The following MALRD1 variants were observed in gnomAD, a reference collection of about 807,000 sequenced individuals.
MALRD1 encodes MAM and LDL receptor class A domain containing 1.
In MALRD1, 247 loss-of-function variants were observed where a neutral mutation model predicts 242.1. The observed-to-expected ratio is 1.02, with a 90% CI of 0.92 to 1.13. MALRD1 has a LOEUF of 1.13. Among genes scored for constraint, MALRD1 ranks in the 50% most tolerant of loss-of-function variants. The pLI, the probability that MALRD1 is intolerant of heterozygous loss-of-function variation, is 0.00. For missense variants in MALRD1, 2,989 were observed against 2,533.1 expected, an observed-to-expected ratio of 1.18 and a Z score of -3.86; for synonymous variants, 995 against 866.6, an observed-to-expected ratio of 1.15 and a Z score of -2.60.
At chr10:19,193,543 G>C (rs182922817) in intron 14 of MALRD1, among the ~76,000 whole-genome samples, 1 of 152,096 alleles carries the variant, frequency 6.6e-6, no homozygotes, top group Non-Finnish European at 1.5e-5. Flanking sequence ...AACACAGCGA[G>C]ACCCCATCTC....
intron 32 of MALRD1, among the ~76,000 whole-genome samples, chr10:19,562,838 G>A (rs918682707): frequency 6.6e-6 from 1 of 152,116 alleles, no homozygotes; most frequent in Non-Finnish European, 1.5e-5. Context: ...GACCTAGATT[G>A]TGTGCTCCTC....
chr10:19,277,157 T>C (rs1188112161), intron 19 of MALRD1, among the ~76,000 whole-genome samples: 1 of 151,918 alleles, frequency 6.6e-6, no homozygotes, highest in Non-Finnish European at 1.5e-5. Context: ...AAATCCTGAG[T>C]TCAAGTGATC....
At chr10:19,129,289 T>C (rs1211694419) in intron 8 of MALRD1, among the ~76,000 whole-genome samples, 3 of 152,106 alleles carry the variant, frequency 2.0e-5, no homozygotes, top group African/African-American at 7.2e-5. Context: ...CTAGGATGGC[T>C]CACAGAATTC....
intron 26 of MALRD1, among the ~76,000 whole-genome samples, chr10:19,360,924 A>G (rs910339012): frequency 1.2e-4 from 18 of 151,792 alleles, no homozygotes; most frequent in African/African-American, 3.4e-4. Flanking sequence ...TTTTTTTGAA[A>G]TTCATTCTTT....
chr10:19,174,769 ATT>A (rs1466105819), intron 13 of MALRD1, among the ~76,000 whole-genome samples: 3 of 151,992 alleles, frequency 2.0e-5, no homozygotes, highest in African/African-American at 7.2e-5. Flanking sequence ...TATAATATAT[ATT>A]ATGTTTGTAT....
chr10:19,371,433 T>G (rs961251396), intron 26 of MALRD1, among the ~76,000 whole-genome samples: 1 of 152,156 alleles, frequency 6.6e-6, no homozygotes, highest in Non-Finnish European at 1.5e-5. Flanking sequence ...CATGACATTT[T>G]GTCAAATCAC....
chr10:19,730,303 T>C (rs1835235639), intron 38 of MALRD1, among the ~76,000 whole-genome samples: 1 of 152,206 alleles, frequency 6.6e-6, no homozygotes, highest in Non-Finnish European at 1.5e-5. Context: ...GATGTAGTGG[T>C]TTGGCACTGT....
chr10:19,065,875 T>G (rs866062225), intron 1 of MALRD1, among the ~76,000 whole-genome samples: 1 of 152,160 alleles, frequency 6.6e-6, no homozygotes. Flanking sequence ...CCACTGATGG[T>G]TGAGTTTCCA....
In MALRD1 at chr10:19,685,684, T is replaced by G. The variant is rs1229242932; in HGVS notation, c.6138-6598T>G. On this transcript the variant is annotated intron_variant, in intron 36 of 39. Coordinates refer to ENST00000454679, the MANE Select transcript of MALRD1 (RefSeq NM_001142308.3). ...AGGCTCTGTCTTCCTATCAATTGAT[T>G]TTATCCCTAGGCTGCTTATTGTAGC... Among the ~76,000 whole-genome samples, 3 of 152,184 alleles carry G rather than the reference T, an allele frequency of 2.0e-5. No homozygotes were observed. The East Asian group carries it at 5.8e-4, about 29-fold the overall frequency.
chr10:19,543,653 T>G (rs998620344), intron 32 of MALRD1, among the ~76,000 whole-genome samples: 1 of 152,052 alleles, frequency 6.6e-6, no homozygotes, highest in Non-Finnish European at 1.5e-5. Context: ...AACCTAATAA[T>G]GCCACACCAG....
At chr10:19,300,541 C>T (rs1219928269) in intron 21 of MALRD1, among the ~76,000 whole-genome samples, 1 of 151,694 alleles carries the variant, frequency 6.6e-6, no homozygotes, top group Non-Finnish European at 1.5e-5. Flanking sequence ...TTAAAGAACC[C>T]AGAAATAAAG....
intron 38 of MALRD1, among the ~76,000 whole-genome samples, chr10:19,714,770 C>T (rs763754615): frequency 1.3e-5 from 2 of 152,020 alleles, no homozygotes; most frequent in Non-Finnish European, 2.9e-5. Flanking sequence ...GCATGCGGAT[C>T]GCATCTTTTA....
rs567847741 is a variant in MALRD1 at position 19,413,900 on chromosome 10, G to A, written c.4845+24291G>A. 2.5e-4 allele frequency among the ~76,000 whole-genome samples: 37 copies of A among 150,808 alleles called. 1 individual carries two copies. Among genetic ancestry groups the A allele is most frequent in the Admixed American group, 2.3e-3 (35 of 15,106 alleles). On this transcript the variant is annotated intron_variant, in intron 28 of 39. Transcript: ENST00000454679. ...GAGGAAGCAGAGGTTGCAGTGAGCC[G>A]AGATCGCACTACTGCACTCCAGCCT...
rs189022510 is a variant in MALRD1 at position 19,189,042 on chromosome 10, G to A, written c.1951+13714G>A. ...AACGAAATGGACCTAGGGAGAGAGAGAAAGGGAGAGAGACAGAGAGAGGGA... is the reference window on the plus strand; with the variant it reads ...AACGAAATGGACCTAGGGAGAGAGAAAAAGGGAGAGAGACAGAGAGAGGGA... On this transcript the variant is annotated intron_variant, in intron 14 of 39. Transcript: ENST00000454679. Among the ~76,000 whole-genome samples, 396 of 152,168 alleles carry A rather than the reference G, an allele frequency of 2.6e-3. 2 individuals are homozygous for A. The highest frequency in any genetic ancestry group is 2.1e-3 in the Non-Finnish European group (146 of 68,002).
At chr10:19,190,043 G>T (rs891261623) in intron 14 of MALRD1, among the ~76,000 whole-genome samples, 1 of 151,918 alleles carries the variant, frequency 6.6e-6, no homozygotes, top group Non-Finnish European at 1.5e-5. Flanking sequence ...TGGAAACAAA[G>T]AATTTTTATA....
chr10:19,378,622 T>C (rs1051924368), intron 26 of MALRD1, among the ~76,000 whole-genome samples: 4 of 152,140 alleles, frequency 2.6e-5, no homozygotes, highest in East Asian at 1.9e-4. Context: ...CTTCATTTTG[T>C]TTATGGTTAT....
chr10:19,112,083 G>T (rs767919493), intron 5 of MALRD1, among the ~76,000 whole-genome samples: 19 of 151,762 alleles, frequency 1.3e-4, no homozygotes, highest in Non-Finnish European at 2.6e-4. Context: ...ATTGATTCTG[G>T]GCTTCACTCC....
chr10:19,580,562 GA>G (rs1453970711), intron 33 of MALRD1, among the ~76,000 whole-genome samples: 2 of 152,032 alleles, frequency 1.3e-5, no homozygotes, highest in African/African-American at 4.8e-5. Flanking sequence ...CCTGCCTCTG[GA>G]TGTGTGTACA....
In MALRD1 at chr10:19,607,916, A is replaced by G. The variant is rs774558743; in HGVS notation, c.6070+14A>G. On this transcript the variant is annotated intron_variant, in intron 35 of 39. Coordinates refer to ENST00000454679, the MANE Select transcript of MALRD1 (RefSeq NM_001142308.3). ...CCAGCTGCTCCGGTACCCCATTTCC[A>G]TTCAGATATTCTTGTGATATGAACC... 80 of 1,548,338 alleles carry G rather than the reference A, an allele frequency of 5.2e-5. No homozygotes were observed. Among genetic ancestry groups the G allele is most frequent in the Non-Finnish European group, 6.5e-5 (75 of 1,145,998 alleles).
Sources: allele counts gnomAD v4.1 joint callset (sites outside exome capture counted in the v4.1 genomes callset), GRCh38; gene constraint gnomAD v4.1.1; transcripts MANE v1.5; gene names NCBI Gene and HGNC (gene_info 2026-07-23, HGNC 2026-07-21).